The following CDH12 variants were observed in gnomAD, a reference collection of about 807,000 sequenced individuals.
CDH12 encodes cadherin-12.
CDH12 carries 41 observed loss-of-function variants against 74.1 expected under a neutral mutation model. The ratio of observed to expected loss-of-function variants is 0.55; its 90% CI spans 0.43 to 0.72. The LOEUF (loss-of-function observed/expected upper bound fraction) is 0.72. CDH12 is among the 30% of genes least tolerant of loss of function. The pLI is 0.00. For missense variants in CDH12, 945 were observed against 977.2 expected, an observed-to-expected ratio of 0.97 and a Z score of 0.44; for synonymous variants, 399 against 355.0, an observed-to-expected ratio of 1.12 and a Z score of -1.39.
At chr5:22,390,783 T>A (rs1742214889) in intron 3 of CDH12, among the ~76,000 whole-genome samples, 1 of 152,126 alleles carries the variant, frequency 6.6e-6, no homozygotes, top group South Asian at 2.1e-4. Flanking sequence ...AAACATCACA[T>A]GAGACTCTAT....
intron 2 of CDH12, among the ~76,000 whole-genome samples, chr5:22,460,994 T>C (rs1745489329): frequency 6.7e-6 from 1 of 149,028 alleles, no homozygotes; most frequent in Admixed American, 6.8e-5. Flanking sequence ...GTGCTGGGAT[T>C]ACAGGTGTGA....
intron 4 of CDH12, among the ~76,000 whole-genome samples, chr5:22,135,871 A>G (rs1170876105): frequency 6.6e-6 from 1 of 151,782 alleles, no homozygotes; most frequent in African/African-American, 2.4e-5. Context: ...AGTGAATTAC[A>G]TTTTGGGAGA....
chr5:21,963,979 A>G (rs1756472777), intron 6 of CDH12, among the ~76,000 whole-genome samples: 1 of 152,064 alleles, frequency 6.6e-6, no homozygotes, highest in Non-Finnish European at 1.5e-5. Context: ...TCTTGGAAAG[A>G]GATGTTTCTA....
chr5:21,842,616 T>A (rs1749935859), intron 7 of CDH12, among the ~76,000 whole-genome samples: 1 of 152,080 alleles, frequency 6.6e-6, no homozygotes, highest in East Asian at 1.9e-4. Context: ...TAAGCCAAGT[T>A]AGACATGATT....
intron 3 of CDH12, among the ~76,000 whole-genome samples, chr5:22,254,901 T>C (rs577979489): frequency 1.8e-4 from 27 of 152,008 alleles, no homozygotes; most frequent in African/African-American, 5.1e-4. Context: ...CATTCCCATT[T>C]CAATCTTTTA....
At chr5:22,225,923 C>CAAT (rs972468999) in intron 3 of CDH12, among the ~76,000 whole-genome samples, 2 of 151,824 alleles carry the variant, frequency 1.3e-5, no homozygotes, top group African/African-American at 4.8e-5. Context: ...ACAACAACAA[C>CAAT]AGCAGCAACA....
At chr5:22,785,710 G>A (rs1046397143) in intron 1 of CDH12, among the ~76,000 whole-genome samples, 10 of 152,014 alleles carry the variant, frequency 6.6e-5, no homozygotes, top group Admixed American at 2.0e-4. Flanking sequence ...TAGAGATGGG[G>A]TTTCGCCATG....
rs967461254 is a variant in CDH12 at position 22,495,445 on chromosome 5, T to C, written c.-428+9825A>G. Among the ~76,000 whole-genome samples, 11 of 152,308 alleles carry C rather than the reference T, an allele frequency of 7.2e-5. 2 individuals are homozygous for C. Among genetic ancestry groups the C allele is most frequent in the Admixed American group, 7.2e-4 (11 of 15,302 alleles). Reference sequence around the variant, plus strand: ...ATTAACAAGGTGGTGGGGCTAAATGTGTTCTTTACACATGATTTATTGTAT... The same window carrying C: ...ATTAACAAGGTGGTGGGGCTAAATGCGTTCTTTACACATGATTTATTGTAT... On this transcript the variant is annotated intron_variant, in intron 2 of 14. Transcript: ENST00000382254.
At chr5:22,282,948 A>G (rs1004831912) in intron 3 of CDH12, among the ~76,000 whole-genome samples, 1 of 152,028 alleles carries the variant, frequency 6.6e-6, no homozygotes, top group Non-Finnish European at 1.5e-5. Flanking sequence ...ACGTATGTTT[A>G]TTGGGGCACT....
At chr5:22,132,598 T>C (rs1746233562) in intron 4 of CDH12, among the ~76,000 whole-genome samples, 1 of 151,926 alleles carries the variant, frequency 6.6e-6, no homozygotes, top group Admixed American at 6.6e-5. Context: ...AGTAGTTGTT[T>C]AGACAACTAA....
At chr5:22,017,820 C>T (rs1318507376) in intron 5 of CDH12, among the ~76,000 whole-genome samples, 5 of 150,470 alleles carry the variant, frequency 3.3e-5, no homozygotes, top group Admixed American at 6.6e-5. Context: ...AGTGCAATGG[C>T]GTAATCTCAG....
chr5:22,097,705 C>T (rs1443883241), intron 4 of CDH12, among the ~76,000 whole-genome samples: 1 of 152,062 alleles, frequency 6.6e-6, no homozygotes, highest in Non-Finnish European at 1.5e-5. Context: ...CACATCCTCC[C>T]CTTGTATCTC....
chr5:22,433,460 A>G (rs191074629), intron 2 of CDH12, among the ~76,000 whole-genome samples: 2 of 152,210 alleles, frequency 1.3e-5, no homozygotes, highest in African/African-American at 4.8e-5. Context: ...ACGTATAGGG[A>G]TGCATGCATC....
At chr5:22,503,160 T>C (rs184709049) in intron 2 of CDH12, among the ~76,000 whole-genome samples, 20 of 152,284 alleles carry the variant, frequency 1.3e-4, no homozygotes, top group Admixed American at 8.5e-4. Context: ...TTCCTTTCTC[T>C]TTCCCTTTAC....
At chr5:21,909,421 A>C (rs944049273) in intron 6 of CDH12, among the ~76,000 whole-genome samples, 1 of 152,174 alleles carries the variant, frequency 6.6e-6, no homozygotes. Flanking sequence ...AGAAAATGAT[A>C]ATTTTATGAA....
intron 3 of CDH12, among the ~76,000 whole-genome samples, chr5:22,338,580 TG>T (rs1739701680): frequency 1.3e-5 from 2 of 152,180 alleles, no homozygotes. Flanking sequence ...AAAGTTTTTT[TG>T]TAACATGAAG....
intron 6 of CDH12, among the ~76,000 whole-genome samples, chr5:21,953,524 A>G (rs751823019): frequency 6.6e-6 from 1 of 152,194 alleles, no homozygotes; most frequent in Non-Finnish European, 1.5e-5. Flanking sequence ...ACCTCTGAGA[A>G]GAGGAGTAAT....
intron 1 of CDH12, among the ~76,000 whole-genome samples, chr5:22,764,006 C>T (rs1746364653): frequency 6.6e-6 from 1 of 151,758 alleles, no homozygotes; most frequent in Non-Finnish European, 1.5e-5. Context: ...CATTTTTATA[C>T]TTTATATGTA....
At chr5:22,851,426 T>A (rs533568361) in intron 1 of CDH12, among the ~76,000 whole-genome samples, 1 of 152,242 alleles carries the variant, frequency 6.6e-6, no homozygotes, top group African/African-American at 2.4e-5. Context: ...AACATTTTTT[T>A]AATGGGGAAG....
Sources: gnomAD v4.1 joint callset for allele counts (sites outside exome capture counted in the v4.1 genomes callset) on GRCh38, gnomAD v4.1.1 for gene constraint, MANE v1.5 for transcripts, NCBI Gene and HGNC (gene_info 2026-07-23, HGNC 2026-07-21) for gene names.